The following SPATS2 variants were observed in gnomAD, a reference collection of about 807,000 sequenced individuals.
The protein encoded by SPATS2 is spermatogenesis-associated serine-rich protein 2.
Under a neutral mutation model 63.7 loss-of-function variants are expected in SPATS2, and 38 were observed. That is an observed-to-expected ratio of 0.60 (90% CI 0.46 to 0.78). The LOEUF (loss-of-function observed/expected upper bound fraction) is 0.78. Ranked by LOEUF, SPATS2 falls within the 30% of genes least tolerant of loss-of-function variation. The pLI is 0.00. For synonymous variants in SPATS2, 207 were observed against 232.9 expected, an observed-to-expected ratio of 0.89 and a Z score of 1.01; for missense variants, 588 against 666.2, an observed-to-expected ratio of 0.88 and a Z score of 1.29.
At chr12:49,398,533 A>C (rs182369597) in intron 2 of SPATS2, among the ~76,000 whole-genome samples, 11 of 152,326 alleles carry the variant, frequency 7.2e-5, no homozygotes, top group South Asian at 2.1e-4. Flanking sequence ...GGAAGAACGC[A>C]TATCACTTCC....
At chr12:49,411,358 A>C (rs1944794026) in intron 2 of SPATS2, among the ~76,000 whole-genome samples, 1 of 152,090 alleles carries the variant, frequency 6.6e-6, no homozygotes, top group Non-Finnish European at 1.5e-5. Context: ...TAACTCAAAT[A>C]CTAGCTTATC....
chr12:49,478,983 C>T (rs979313226), intron 3 of SPATS2, among the ~76,000 whole-genome samples: 58 of 152,022 alleles, frequency 3.8e-4, no homozygotes, highest in African/African-American at 1.4e-3. Flanking sequence ...ACAGAGTATT[C>T]AGCTCTCAGC....
chr12:49,385,238 G>A (rs1944291696), intron 2 of SPATS2, among the ~76,000 whole-genome samples: 1 of 151,186 alleles, frequency 6.6e-6, no homozygotes, highest in South Asian at 2.1e-4. Context: ...TTAAGCGAAG[G>A]AGTGAAATGT....
chr12:49,414,144 T>C (rs1437942161), intron 2 of SPATS2, among the ~76,000 whole-genome samples: 1 of 152,224 alleles, frequency 6.6e-6, no homozygotes, highest in Non-Finnish European at 1.5e-5. Context: ...CTGTCCCTTT[T>C]AGTCCAAGAT....
At chr12:49,379,597 T>G (rs1168608396) in intron 2 of SPATS2, among the ~76,000 whole-genome samples, 1 of 146,512 alleles carries the variant, frequency 6.8e-6, no homozygotes, top group African/African-American at 2.5e-5. Context: ...TTTTATGTCC[T>G]ACAACCATCA....
At chr12:49,498,139 A>ATATATATATAT (rs1555191141) in intron 8 of SPATS2, among the ~76,000 whole-genome samples, 262 of 84,088 alleles carry the variant, frequency 3.1e-3, no homozygotes, top group African/African-American at 0.018. Context: ...AGCCAAAAAA[A>ATATATATATAT]AAAAAAATAT....
At chr12:49,393,231 C>G (rs1463078534) in intron 2 of SPATS2, among the ~76,000 whole-genome samples, 1 of 151,722 alleles carries the variant, frequency 6.6e-6, no homozygotes. Context: ...AAAATTTTTT[C>G]CATTCTTAGT....
chr12:49,418,917 T>G (rs990569372), intron 2 of SPATS2, among the ~76,000 whole-genome samples: 2 of 152,232 alleles, frequency 1.3e-5, no homozygotes, highest in Non-Finnish European at 2.9e-5. Context: ...GATCTTGAAC[T>G]AGTGTAAATC....
At chr12:49,523,478 GC>G (rs1592486282) in intron 12 of SPATS2, among the ~76,000 whole-genome samples, 1 of 152,166 alleles carries the variant, frequency 6.6e-6, no homozygotes, top group East Asian at 1.9e-4. Flanking sequence ...GGGCACCAGA[GC>G]AAGACTGTGT....
chr12:49,402,855 A>C (rs1242485738), intron 2 of SPATS2, among the ~76,000 whole-genome samples: 1 of 152,222 alleles, frequency 6.6e-6, no homozygotes, highest in Non-Finnish European at 1.5e-5. Flanking sequence ...CTCTGGTATA[A>C]GAGTGTGAGA....
At chr12:49,453,106 C>G (rs1210811879) in intron 2 of SPATS2, among the ~76,000 whole-genome samples, 1 of 150,042 alleles carries the variant, frequency 6.7e-6, no homozygotes, top group East Asian at 1.9e-4. Flanking sequence ...TTGCAGTGAG[C>G]CAAGATTGCG....
intron 2 of SPATS2, among the ~76,000 whole-genome samples, chr12:49,407,945 T>C (rs1256237929): frequency 6.6e-6 from 1 of 152,228 alleles, no homozygotes; most frequent in African/African-American, 2.4e-5. Context: ...AAATGTTTGT[T>C]GTGTGGCCCT....
At chr12:49,495,868 AC>A (rs1337158093) in intron 7 of SPATS2, among the ~76,000 whole-genome samples, 2 of 152,220 alleles carry the variant, frequency 1.3e-5, no homozygotes, top group African/African-American at 4.8e-5. Context: ...TTTTGTGAGA[AC>A]TAGGCTGTTG....
chr12:49,509,841 C>T (rs1174538585), intron 9 of SPATS2, among the ~76,000 whole-genome samples: 1 of 147,800 alleles, frequency 6.8e-6, no homozygotes, highest in Non-Finnish European at 1.5e-5. Context: ...AGGAAAAAAA[C>T]TATTGGCAAT....
At chr12:49,439,888 G>A (rs941167490) in intron 2 of SPATS2, among the ~76,000 whole-genome samples, 2 of 152,086 alleles carry the variant, frequency 1.3e-5, no homozygotes, top group African/African-American at 4.8e-5. Flanking sequence ...TCTTTGCTAC[G>A]AGAGCAAAGA....
At chr12:49,489,911 G>T (rs570698262) in intron 5 of SPATS2, among the ~76,000 whole-genome samples, 1 of 152,292 alleles carries the variant, frequency 6.6e-6, no homozygotes, top group South Asian at 2.1e-4. Context: ...TGATTCAGTG[G>T]CTCACCAACA....
At chr12:49,498,141 A>ATATATATATATAT (rs1555191148) in intron 8 of SPATS2, among the ~76,000 whole-genome samples, 6 of 74,356 alleles carry the variant, frequency 8.1e-5, no homozygotes, top group African/African-American at 4.7e-4. Flanking sequence ...CCAAAAAAAA[A>ATATATATATATAT]AAAAATATAT....
intron 2 of SPATS2, among the ~76,000 whole-genome samples, chr12:49,438,072 A>G (rs540733406): frequency 6.6e-6 from 1 of 152,240 alleles, no homozygotes; most frequent in African/African-American, 2.4e-5. Context: ...CAAGATGTAG[A>G]ACATTTCCCC....
chr12:49,399,616 A>G (rs1944570506), intron 2 of SPATS2, among the ~76,000 whole-genome samples: 1 of 152,256 alleles, frequency 6.6e-6, no homozygotes, highest in Non-Finnish European at 1.5e-5. Flanking sequence ...CCTATGTGGT[A>G]CAACAAAATT....
Sources: gnomAD v4.1 joint callset for allele counts (sites outside exome capture counted in the v4.1 genomes callset) on GRCh38, gnomAD v4.1.1 for gene constraint, MANE v1.5 for transcripts, NCBI Gene and HGNC (gene_info 2026-07-23, HGNC 2026-07-21) for gene names.